ST3GAL6: variants seen among roughly 807,000 people sequenced by gnomAD.
ST3GAL6 encodes the protein type 2 lactosamine alpha-2,3-sialyltransferase.
In ST3GAL6, 31 loss-of-function variants were observed where a neutral mutation model predicts 40.5. The observed-to-expected ratio is 0.77, with a 90% CI of 0.58 to 1.03. The LOEUF is 1.03. ST3GAL6 is among the 50% of genes least tolerant of loss of function. The probability of loss-of-function intolerance (pLI) is 0.00; values close to 1 mark genes in which losing one functional copy is unlikely to be tolerated. For missense variants in ST3GAL6, 357 were observed against 393.2 expected (o/e 0.91, Z 0.78); for synonymous variants, 129 against 136.9 (o/e 0.94, Z 0.40).
chr3:98,755,499 G>T (rs574612950), intron 1 of ST3GAL6, among the ~76,000 whole-genome samples: 36 of 152,122 alleles, frequency 2.4e-4, no homozygotes, highest in Non-Finnish European at 4.4e-4. Context: ...TATAAAGAGG[G>T]TATCTTCCAT....
chr3:98,790,813 A>C (rs1465467897), intron 8 of ST3GAL6, among the ~76,000 whole-genome samples: 1 of 152,138 alleles, frequency 6.6e-6, no homozygotes, highest in Non-Finnish European at 1.5e-5. Flanking sequence ...AGATGTGAAG[A>C]AAGGAAGTAG....
At chr3:98,792,207 T>C (rs1000252239) in intron 9 of ST3GAL6, among the ~76,000 whole-genome samples, 1 of 152,230 alleles carries the variant, frequency 6.6e-6, no homozygotes. Flanking sequence ...TTTATGGGCC[T>C]CATGGTTATT....
chr3:98,770,293 T>A (rs965241693), intron 2 of ST3GAL6: 5 of 152,314 alleles, frequency 3.3e-5, no homozygotes, highest in Non-Finnish European at 5.9e-5. Context: ...CACAATACCC[T>A]TTTAAATTGT....
At chr3:98,780,456 C>A (rs1423831310) in intron 5 of ST3GAL6, among the ~76,000 whole-genome samples, 1 of 152,142 alleles carries the variant, frequency 6.6e-6, no homozygotes, top group East Asian at 1.9e-4. Context: ...TTCTGTTTGT[C>A]CCCTATAAGC....
intron 1 of ST3GAL6, among the ~76,000 whole-genome samples, chr3:98,735,311 A>G (rs1328750626): frequency 6.6e-6 from 1 of 152,170 alleles, no homozygotes; most frequent in Non-Finnish European, 1.5e-5. Context: ...TCCTGTGCAT[A>G]TCTTTCTCCT....
Position 98,756,166 on chromosome 3 carries a change from A to C in ST3GAL6, c.-11-12264A>C, listed in dbSNP as rs1428141581. Among the ~76,000 whole-genome samples the C allele has an allele frequency of 2.6e-5, 4 of 152,210 alleles. No individual in the cohort carries two copies. The East Asian group carries it at 7.7e-4, about 29-fold the overall frequency. On this transcript the variant is annotated intron_variant, in intron 1 of 9. Coordinates refer to the ST3GAL6 transcript ENST00000265261. ...CTTTGGAAAGCCAGTTCTGAAAGGC[A>C]GGCAATAATGTAATATGTACTGTTG...
intron 1 of ST3GAL6, among the ~76,000 whole-genome samples, chr3:98,738,545 C>G (rs552897177): frequency 6.6e-6 from 1 of 152,218 alleles, no homozygotes; most frequent in African/African-American, 2.4e-5. Flanking sequence ...CCCAAAGTGT[C>G]GGGATTACAG....
intron 1 of ST3GAL6, among the ~76,000 whole-genome samples, chr3:98,756,033 T>A: frequency 6.6e-6 from 1 of 152,162 alleles, no homozygotes. Context: ...GCTGCGTGTA[T>A]GTGTGGAGAG....
intron 6 of ST3GAL6, among the ~76,000 whole-genome samples, chr3:98,786,779 AAG>A (rs1477039538): frequency 6.6e-6 from 1 of 151,970 alleles, no homozygotes; most frequent in Non-Finnish European, 1.5e-5. Context: ...GGGGTGGTAA[AAG>A]AGAGGGGAAG....
At chr3:98,755,101 G>T (rs1344558450) in intron 1 of ST3GAL6, among the ~76,000 whole-genome samples, 1 of 152,158 alleles carries the variant, frequency 6.6e-6, no homozygotes, top group Non-Finnish European at 1.5e-5. Context: ...AGCCTGGAGT[G>T]CAGTGGCACA....
intron 1 of ST3GAL6, among the ~76,000 whole-genome samples, chr3:98,745,102 C>T (rs1936439930): frequency 6.6e-6 from 1 of 151,858 alleles, no homozygotes; most frequent in Non-Finnish European, 1.5e-5. Flanking sequence ...GGTGTGATCT[C>T]AGCTCACTGC....
At chr3:98,789,616 G>A (rs553393941) in intron 8 of ST3GAL6, among the ~76,000 whole-genome samples, 4 of 152,080 alleles carry the variant, frequency 2.6e-5, no homozygotes, top group South Asian at 2.1e-4. Context: ...CCCATTTGTC[G>A]GATTTCTGTA....
chr3:98,760,114 C>T (rs375761082), upstream of ST3GAL6, among the ~76,000 whole-genome samples: 56 of 152,278 alleles, frequency 3.7e-4, no homozygotes, highest in Middle Eastern at 3.4e-3. Context: ...AAAGGTCAAG[C>T]CCTAAAGACT....
intron 1 of ST3GAL6, among the ~76,000 whole-genome samples, chr3:98,748,567 C>T (rs576151581): frequency 1.3e-5 from 2 of 152,164 alleles, no homozygotes; most frequent in Admixed American, 6.5e-5. Context: ...CGGGTTTAAG[C>T]GTTTCTCTTG....
At chr3:98,761,197 C>T (rs2107393950), upstream of ST3GAL6, among the ~76,000 whole-genome samples, 1 of 152,226 alleles carries the variant, frequency 6.6e-6, no homozygotes, top group Non-Finnish European at 1.5e-5. Context: ...TTATCCCCAG[C>T]TACTCAGGAG....
chr3:98,793,041 G>A (rs1314287244), intron 9 of ST3GAL6, among the ~76,000 whole-genome samples: 1 of 152,082 alleles, frequency 6.6e-6, no homozygotes, highest in Non-Finnish European at 1.5e-5. Context: ...GTTAGATTTA[G>A]TATTGTCTTT....
intron 5 of ST3GAL6, among the ~76,000 whole-genome samples, chr3:98,781,992 G>A (rs946448491): frequency 1.3e-5 from 2 of 152,098 alleles, no homozygotes; most frequent in African/African-American, 2.4e-5. Context: ...TGTGAGAATC[G>A]CCCCCTCCTA....
intron 1 of ST3GAL6, among the ~76,000 whole-genome samples, chr3:98,766,346 A>C (rs1353054646): frequency 6.6e-6 from 1 of 151,694 alleles, no homozygotes; most frequent in Non-Finnish European, 1.5e-5. Context: ...AAATACATTA[A>C]AAAATTTTGC....
intron 6 of ST3GAL6, 91 bp from the exon 7 acceptor site, chr3:98,787,945 G>A (rs1940879763): frequency 5.9e-6 from 7 of 1,177,222 alleles, no homozygotes; most frequent in Non-Finnish European, 8.3e-6. Context: ...AAAGGCTGAT[G>A]TTTGTCCAAC....
Sources: allele counts gnomAD v4.1 joint callset (sites outside exome capture counted in the v4.1 genomes callset), GRCh38; gene constraint gnomAD v4.1.1; transcripts MANE v1.5; gene names NCBI Gene and HGNC (gene_info 2026-07-23, HGNC 2026-07-21).